PDE1C: variants seen among roughly 807,000 people sequenced by gnomAD.
The protein encoded by PDE1C is phosphodiesterase 1C, also known as dual specificity calcium/calmodulin-dependent 3',5'-cyclic nucleotide phosphodiesterase 1C.
A neutral mutation model predicts 93.1 loss-of-function variants in PDE1C; 62 were observed. The observed-to-expected ratio is 0.67, with a 90% confidence interval of 0.54 to 0.82. The LOEUF (loss-of-function observed/expected upper bound fraction) is 0.82, where lower values mean the gene tolerates loss of function less well. Ranked by LOEUF, PDE1C falls within the 40% of genes least tolerant of loss-of-function variation. PDE1C has a pLI of 0.00. For synonymous variants in PDE1C, 325 were observed against 310.1 expected, an observed-to-expected ratio of 1.05 and a Z score of -0.50; for missense variants, 742 against 884.6, an observed-to-expected ratio of 0.84 and a Z score of 2.04.
intron 2 of PDE1C, among the ~76,000 whole-genome samples, chr7:31,939,451 G>T (rs1310099697): frequency 3.9e-5 from 6 of 152,114 alleles, no homozygotes; most frequent in African/African-American, 1.2e-4. Flanking sequence ...TATGATTTTG[G>T]TTGAAGTCTG....
rs1311221412 is a variant in PDE1C, at chr7:31,886,689, G to A, written c.129-5829C>T. Reference sequence around the variant, plus strand: ...CAGAGCCATTTTGAAGGCCACGTAGGGGTCAGCCAGGCACAGAGGATGGGA... The same window carrying A: ...CAGAGCCATTTTGAAGGCCACGTAGAGGTCAGCCAGGCACAGAGGATGGGA... On this transcript the variant is annotated intron_variant, in intron 2 of 17. Transcript: ENST00000396191. Among the ~76,000 whole-genome samples the A allele has an allele frequency of 2.8e-5, 4 of 141,782 alleles. No individual in the cohort carries two copies. In the East Asian group the frequency reaches 8.2e-4, roughly 29 times the overall value. The allele number at this position is 141,782 out of a possible 152,430, so 93.0% of individuals were successfully genotyped here. A position where few individuals can be genotyped will look rare whatever the true frequency, so the allele number is the denominator to read the frequency against.
chr7:31,683,173 T>C, the PDE1C span, among the ~76,000 whole-genome samples: 1 of 152,196 alleles, frequency 6.6e-6, no homozygotes, highest in African/African-American at 2.4e-5. Context: ...CCAATATCAA[T>C]ACTGTCTTTG....
intron 2 of PDE1C, among the ~76,000 whole-genome samples, chr7:31,959,840 C>T (rs1049069169): frequency 5.3e-5 from 8 of 151,758 alleles, no homozygotes; most frequent in Non-Finnish European, 1.2e-4. Flanking sequence ...ATGTAGAATG[C>T]ACTAGAAACA....
chr7:31,651,102 A>T, the PDE1C span: 8 of 1,599,608 alleles, frequency 5.0e-6, no homozygotes, highest in Non-Finnish European at 6.8e-6. Flanking sequence ...GCAGAGGATC[A>T]GAGAGGACTT....
At chr7:32,313,110 C>A (rs557191835) in intron 1 of PDE1C, among the ~76,000 whole-genome samples, 1 of 151,064 alleles carries the variant, frequency 6.6e-6, no homozygotes, top group Non-Finnish European at 1.5e-5. Context: ...AATAGACACT[C>A]CTCAAAAGAA....
intron 1 of PDE1C, among the ~76,000 whole-genome samples, chr7:32,066,556 T>C (rs1446199293): frequency 6.6e-6 from 1 of 152,160 alleles, no homozygotes; most frequent in Non-Finnish European, 1.5e-5. Flanking sequence ...AAATGCAGCA[T>C]AGAAACACGT....
chr7:31,676,512 G>T, the PDE1C span, among the ~76,000 whole-genome samples: 1 of 152,048 alleles, frequency 6.6e-6, no homozygotes, highest in Non-Finnish European at 1.5e-5. Context: ...ACAAAAAAAT[G>T]AAAACATTGC....
intron 2 of PDE1C, among the ~76,000 whole-genome samples, chr7:31,934,482 A>G (rs1464306662): frequency 6.6e-6 from 1 of 151,776 alleles, no homozygotes; most frequent in Non-Finnish European, 1.5e-5. Flanking sequence ...AAACTAGTTT[A>G]TGCTCCTGGC....
chr7:31,812,077 T>C (rs1393497906), intron 15 of PDE1C, among the ~76,000 whole-genome samples: 18 of 152,130 alleles, frequency 1.2e-4, no homozygotes. Context: ...AAAGAGACTT[T>C]CTGTGCAGTT....
At chr7:31,661,461 C>G in the PDE1C span, among the ~76,000 whole-genome samples, 2 of 152,120 alleles carry the variant, frequency 1.3e-5, no homozygotes, top group African/African-American at 4.8e-5. Flanking sequence ...ACCTGTAATC[C>G]CAGCACTTTG....
intron 2 of PDE1C, among the ~76,000 whole-genome samples, chr7:31,917,460 C>T (rs112445909): frequency 6.6e-6 from 1 of 152,286 alleles, no homozygotes; most frequent in African/African-American, 2.4e-5. Context: ...CATTATGTTT[C>T]ATTACCCTGC....
intron 1 of PDE1C, among the ~76,000 whole-genome samples, chr7:32,426,265 A>G (rs28758743): frequency 0.056 from 7,620 of 136,848 alleles, 363 homozygotes; most frequent in East Asian, 0.12. Context: ...TGGTGTAACT[A>G]TATTTGTACT....
the PDE1C span, among the ~76,000 whole-genome samples, chr7:31,662,656 C>A: frequency 6.6e-6 from 1 of 152,148 alleles, no homozygotes; most frequent in Non-Finnish European, 1.5e-5. Context: ...GGATTTTGTC[C>A]TGTAAATGTG....
intron 3 of PDE1C, among the ~76,000 whole-genome samples, chr7:32,166,591 C>T (rs1802290128): frequency 6.6e-6 from 1 of 152,142 alleles, no homozygotes; most frequent in South Asian, 2.1e-4. Context: ...TTTGCACAAA[C>T]CTCAACTATC....
chr7:32,255,286 A>G (rs79784762), intron 1 of PDE1C, among the ~76,000 whole-genome samples: 1 of 152,158 alleles, frequency 6.6e-6, no homozygotes, highest in African/African-American at 2.4e-5. Context: ...CCTGTCCCAC[A>G]TCCTTCCCTC....
the PDE1C span, among the ~76,000 whole-genome samples, chr7:31,634,238 A>G: frequency 6.6e-6 from 1 of 152,202 alleles, no homozygotes; most frequent in African/African-American, 2.4e-5. Context: ...ATTCATCTCC[A>G]TGAAGACACT....
intron 6 of PDE1C, among the ~76,000 whole-genome samples, chr7:31,868,118 C>T (rs565918148): frequency 1.3e-5 from 2 of 152,260 alleles, no homozygotes; most frequent in East Asian, 1.9e-4. Flanking sequence ...GATATTGACA[C>T]AAGGACACAA....
intron 3 of PDE1C, among the ~76,000 whole-genome samples, chr7:32,134,190 G>A (rs1800079036): frequency 6.6e-6 from 1 of 151,924 alleles, no homozygotes. Flanking sequence ...TAAGGTAGTT[G>A]GAGTCCCAGA....
chr7:31,655,210 C>T, the PDE1C span, among the ~76,000 whole-genome samples: 4 of 152,264 alleles, frequency 2.6e-5, no homozygotes, highest in East Asian at 5.8e-4. Context: ...GTTCATCTTC[C>T]TGATCCTCTC....
Sources: gnomAD v4.1 joint callset for allele counts (sites outside exome capture counted in the v4.1 genomes callset) on GRCh38, gnomAD v4.1.1 for gene constraint, MANE v1.5 for transcripts, NCBI Gene and HGNC (gene_info 2026-07-23, HGNC 2026-07-21) for gene names.